RARB: variants seen among roughly 807,000 people sequenced by gnomAD.
The protein encoded by RARB is HBV-activated protein.
Under a neutral mutation model 51.9 loss-of-function variants are expected in RARB, and 17 were observed. That is an observed-to-expected ratio of 0.33 (90% CI 0.22 to 0.49). The LOEUF (loss-of-function observed/expected upper bound fraction) is 0.49, where lower values mean the gene tolerates loss of function less well. Ranked by LOEUF, RARB falls within the 20% of genes least tolerant of loss-of-function variation. The pLI is 0.99. For missense variants in RARB, 369 were observed against 550.8 expected (o/e 0.67, Z 3.30); for synonymous variants, 215 against 195.4 (o/e 1.10, Z -0.84).
chr3:25,355,499 G>C (rs1346027587), intron 5 of RARB, among the ~76,000 whole-genome samples: 1 of 151,322 alleles, frequency 6.6e-6, no homozygotes, highest in African/African-American at 2.4e-5. Context: ...TTTGGCTGGA[G>C]TTTGTTTGTT....
intron 3 of RARB, among the ~76,000 whole-genome samples, chr3:25,070,540 C>T (rs1698747023): frequency 6.0e-5 from 1 of 16,682 alleles, no homozygotes; most frequent in African/African-American, 1.6e-4. Context: ...GACCCCCCAC[C>T]CATTGTTTAC....
chr3:24,947,705 T>A (rs1019038886), intron 2 of RARB, among the ~76,000 whole-genome samples: 6 of 152,212 alleles, frequency 3.9e-5, no homozygotes, highest in Non-Finnish European at 7.3e-5. Flanking sequence ...TGGTAAAGCA[T>A]GGTCTTTAGC....
At chr3:25,412,843 A>G (rs1020828691) in intron 5 of RARB, among the ~76,000 whole-genome samples, 5 of 152,054 alleles carry the variant, frequency 3.3e-5, no homozygotes, top group Non-Finnish European at 7.4e-5. Context: ...AACATGGAGC[A>G]ACCCCATCTC....
At chr3:25,204,630 T>C (rs1327704932) in intron 5 of RARB, among the ~76,000 whole-genome samples, 1 of 152,174 alleles carries the variant, frequency 6.6e-6, no homozygotes, top group African/African-American at 2.4e-5. Flanking sequence ...TGTTTGTTAG[T>C]TTTCCTTCTA....
chr3:25,508,222 G>A (rs1480974202), intron 3 of RARB, among the ~76,000 whole-genome samples: 1 of 152,082 alleles, frequency 6.6e-6, no homozygotes, highest in East Asian at 1.9e-4. Context: ...CTCATTTGGG[G>A]CATATTGAGC....
intron 1 of RARB, among the ~76,000 whole-genome samples, chr3:24,839,723 G>C (rs1443963858): frequency 9.6e-5 from 2 of 20,804 alleles, no homozygotes; most frequent in South Asian, 1.8e-3. Context: ...AAAAAAAGGG[G>C]GGGGGGGTGG....
At chr3:25,479,986 T>A (rs760306257) in intron 2 of RARB, among the ~76,000 whole-genome samples, 1 of 152,220 alleles carries the variant, frequency 6.6e-6, no homozygotes, top group Non-Finnish European at 1.5e-5. Flanking sequence ...TTGGTTATAT[T>A]TGTTTGGAAG....
At chr3:25,446,499 C>G (rs1287080201) in intron 1 of RARB, among the ~76,000 whole-genome samples, 3 of 152,134 alleles carry the variant, frequency 2.0e-5, no homozygotes, top group Non-Finnish European at 1.5e-5. Context: ...TTTGCAGACC[C>G]TGCCTTAAAA....
chr3:25,233,479 C>A (rs1211136085), intron 5 of RARB, among the ~76,000 whole-genome samples: 2 of 152,060 alleles, frequency 1.3e-5, no homozygotes, highest in East Asian at 1.9e-4. Flanking sequence ...AGATAGTTGT[C>A]TCTAATGTGA....
chr3:25,202,420 T>G (rs1238401711), intron 5 of RARB, among the ~76,000 whole-genome samples: 2 of 152,194 alleles, frequency 1.3e-5, no homozygotes, highest in Non-Finnish European at 2.9e-5. Flanking sequence ...AAGGGTTTTT[T>G]GTGTCTCTAT....
intron 3 of RARB, among the ~76,000 whole-genome samples, chr3:25,131,008 T>TGATAA (rs1699943645): frequency 7.4e-6 from 1 of 135,862 alleles, no homozygotes; most frequent in African/African-American, 3.0e-5. Context: ...TATTTATTAT[T>TGATAA]TATCAATGAA....
intron 2 of RARB, among the ~76,000 whole-genome samples, chr3:24,992,445 G>T (rs533871336): frequency 9.2e-4 from 140 of 152,156 alleles, no homozygotes; most frequent in Admixed American, 2.3e-3. Context: ...TATTTTCTCT[G>T]ATAAAACCAG....
intron 5 of RARB, among the ~76,000 whole-genome samples, chr3:25,321,379 AAT>A (rs1704564092): frequency 6.6e-6 from 1 of 152,116 alleles, no homozygotes; most frequent in African/African-American, 2.4e-5. Context: ...AAAAATTTAA[AAT>A]ATCTAGAGGA....
At chr3:25,438,463 G>A (rs1441896024) in intron 1 of RARB, among the ~76,000 whole-genome samples, 1 of 152,116 alleles carries the variant, frequency 6.6e-6, no homozygotes, top group Non-Finnish European at 1.5e-5. Flanking sequence ...GAACAGTTGT[G>A]GGGCTTTTAG....
At chr3:24,903,390 T>C (rs865920184) in intron 2 of RARB, among the ~76,000 whole-genome samples, 2 of 152,280 alleles carry the variant, frequency 1.3e-5, no homozygotes, top group South Asian at 4.1e-4. Context: ...TTGAAACTGA[T>C]AAATATTAAG....
At chr3:25,227,382 T>C (rs1702077791) in intron 5 of RARB, among the ~76,000 whole-genome samples, 1 of 152,230 alleles carries the variant, frequency 6.6e-6, no homozygotes, top group Non-Finnish European at 1.5e-5. Context: ...AATTTCATAC[T>C]GTTCATAAGT....
At chr3:25,556,007 A>ATTTTT (rs35199932) in intron 3 of RARB, among the ~76,000 whole-genome samples, 24 of 149,008 alleles carry the variant, frequency 1.6e-4, no homozygotes, top group Admixed American at 2.7e-4. Flanking sequence ...GACATCTTGT[A>ATTTTT]TTTTTTTTTT....
At chr3:25,072,089 T>G (rs1698779053) in intron 3 of RARB, among the ~76,000 whole-genome samples, 1 of 152,264 alleles carries the variant, frequency 6.6e-6, no homozygotes, top group Admixed American at 6.5e-5. Flanking sequence ...TGTTGGTCTT[T>G]GCTGCTAGAA....
intron 2 of RARB, among the ~76,000 whole-genome samples, chr3:24,959,726 A>AGT (rs925885959): frequency 6.6e-6 from 1 of 152,148 alleles, no homozygotes; most frequent in African/African-American, 2.4e-5. Context: ...GATAATTGAC[A>AGT]GTGTGATCTT....
Sources: allele counts gnomAD v4.1 joint callset (sites outside exome capture counted in the v4.1 genomes callset), GRCh38; gene constraint gnomAD v4.1.1; transcripts MANE v1.5; gene names NCBI Gene and HGNC (gene_info 2026-07-23, HGNC 2026-07-21).